ADAMTSL1: variants seen among roughly 807,000 people sequenced by gnomAD.
The protein encoded by ADAMTSL1 is ADAMTS-like protein 1.
ADAMTSL1 carries 126 observed loss-of-function variants against 201.8 expected under a neutral mutation model. The ratio of observed to expected loss-of-function variants is 0.62; its 90% CI spans 0.54 to 0.72. The LOEUF is 0.72. Among genes scored for constraint, ADAMTSL1 ranks in the 30% least tolerant of loss-of-function variants. The probability of loss-of-function intolerance (pLI) is 0.00; values close to 1 mark genes in which losing one functional copy is unlikely to be tolerated. For missense variants in ADAMTSL1, 2,679 were observed against 2,277.8 expected (o/e 1.18, Z -3.59); for synonymous variants, 1,121 against 903.4 (o/e 1.24, Z -4.32).
chr9:18,629,790 G>A (rs181512542), intron 5 of ADAMTSL1, among the ~76,000 whole-genome samples: 241 of 152,074 alleles, frequency 1.6e-3, no homozygotes, highest in African/African-American at 5.6e-3. Flanking sequence ...CTTTTTTTCT[G>A]GAAGAGATTG....
chr9:17,959,545 G>A (rs1489029389), intron 1 of ADAMTSL1, among the ~76,000 whole-genome samples: 1 of 151,964 alleles, frequency 6.6e-6, no homozygotes, highest in East Asian at 1.9e-4. Context: ...TGCAACCTCT[G>A]CCTCCCAGAT....
At chr9:18,824,690 C>T (rs1379411641) in intron 21 of ADAMTSL1, among the ~76,000 whole-genome samples, 4 of 75,708 alleles carry the variant, frequency 5.3e-5, no homozygotes, top group Non-Finnish European at 6.7e-5. Flanking sequence ...GGACTTGACC[C>T]TTTTTTTTTT....
At position 18,828,464 on chromosome 9, in the gene ADAMTSL1, C is replaced by A. The variant is rs921689208; in HGVS notation, c.4115-1379C>A. On this transcript the variant is annotated intron_variant, in intron 22 of 28. Transcript: ENST00000380548. ...TTTGAGTAAACTGCCACCATCAGTTCCTAAAATCATGGTATTCCAGAGTAG... is the reference window on the plus strand; with the variant it reads ...TTTGAGTAAACTGCCACCATCAGTTACTAAAATCATGGTATTCCAGAGTAG... 2.0e-5 allele frequency among the ~76,000 whole-genome samples: 3 copies of A among 151,126 alleles called. No homozygotes were observed. In the East Asian group the frequency reaches 5.9e-4, roughly 30 times the overall value.
chr9:18,086,576 A>G (rs761335069), intron 1 of ADAMTSL1, among the ~76,000 whole-genome samples: 3 of 152,200 alleles, frequency 2.0e-5, no homozygotes, highest in Non-Finnish European at 4.4e-5. Context: ...TAAAAATAAA[A>G]GAGATATTAT....
At chr9:18,536,553 G>T (rs1819788724) in intron 3 of ADAMTSL1, among the ~76,000 whole-genome samples, 2 of 151,152 alleles carry the variant, frequency 1.3e-5, no homozygotes, top group Admixed American at 1.3e-4. Flanking sequence ...CATAATGTTT[G>T]CATAGTTCTC....
At chr9:18,749,577 C>T (rs1040303682) in intron 15 of ADAMTSL1, among the ~76,000 whole-genome samples, 1 of 152,180 alleles carries the variant, frequency 6.6e-6, no homozygotes, top group Non-Finnish European at 1.5e-5. Flanking sequence ...CATAGCCAAC[C>T]TTGCCCCCAG....
intron 2 of ADAMTSL1, among the ~76,000 whole-genome samples, chr9:18,290,480 GC>G (rs1833207743): frequency 6.6e-6 from 1 of 152,014 alleles, no homozygotes; most frequent in South Asian, 2.1e-4. Flanking sequence ...TTCCTTCCTG[GC>G]CCCACAAAGC....
chr9:17,949,902 T>G (rs1827662313), intron 1 of ADAMTSL1, among the ~76,000 whole-genome samples: 1 of 152,126 alleles, frequency 6.6e-6, no homozygotes, highest in African/African-American at 2.4e-5. Context: ...CACCTCAAAT[T>G]TTGTTACATG....
At chr9:18,760,749 C>T (rs541589850) in intron 16 of ADAMTSL1, among the ~76,000 whole-genome samples, 13 of 152,314 alleles carry the variant, frequency 8.5e-5, no homozygotes, top group Non-Finnish European at 1.8e-4. Context: ...AATGGTGCAC[C>T]GTCTAAGGAC....
At chr9:18,796,195 G>T (rs968163934) in intron 20 of ADAMTSL1, among the ~76,000 whole-genome samples, 13 of 152,160 alleles carry the variant, frequency 8.5e-5, no homozygotes, top group African/African-American at 2.9e-4. Context: ...ACAAACCCAT[G>T]CCTTTGAAAC....
At chr9:18,239,527 C>T (rs1483541560) in intron 2 of ADAMTSL1, among the ~76,000 whole-genome samples, 1 of 151,928 alleles carries the variant, frequency 6.6e-6, no homozygotes, top group Non-Finnish European at 1.5e-5. Flanking sequence ...TCACTTGAGG[C>T]CAGGAGTTTG....
chr9:18,227,565 A>G (rs1353083396), intron 2 of ADAMTSL1, among the ~76,000 whole-genome samples: 4 of 152,106 alleles, frequency 2.6e-5, no homozygotes, highest in African/African-American at 9.7e-5. Flanking sequence ...TCTAGGCCCC[A>G]CTCTATGCAA....
intron 23 of ADAMTSL1, among the ~76,000 whole-genome samples, chr9:18,861,983 A>G (rs1827242009): frequency 6.6e-6 from 1 of 152,152 alleles, no homozygotes. Flanking sequence ...TAATGTGGGA[A>G]TAATAAATCC....
At chr9:18,067,721 GGA>G (rs1822771459) in intron 1 of ADAMTSL1, among the ~76,000 whole-genome samples, 1 of 152,168 alleles carries the variant, frequency 6.6e-6, no homozygotes. Context: ...CTAGGAACTT[GGA>G]GAGTCTTGTC....
chr9:18,121,731 G>A (rs1825504702), intron 1 of ADAMTSL1, among the ~76,000 whole-genome samples: 1 of 152,120 alleles, frequency 6.6e-6, no homozygotes, highest in African/African-American at 2.4e-5. Flanking sequence ...CTCCTCCTAT[G>A]AGGAAAGAGA....
chr9:18,365,781 G>A (rs1020746983), intron 2 of ADAMTSL1, among the ~76,000 whole-genome samples: 1 of 152,158 alleles, frequency 6.6e-6, no homozygotes, highest in South Asian at 2.1e-4. Context: ...GTTAGGAACT[G>A]GGCCACAAAA....
chr9:18,236,456 A>C (rs1830854647), intron 2 of ADAMTSL1, among the ~76,000 whole-genome samples: 1 of 152,206 alleles, frequency 6.6e-6, no homozygotes, highest in Non-Finnish European at 1.5e-5. Flanking sequence ...GACCCAGTTG[A>C]GTATGTCTGA....
Position 18,892,514 on chromosome 9 carries a change from C to G in ADAMTSL1, c.4769C>G (p.Thr1590Ser). The change falls in exon 26 of 29, where the codon ACC (threonine) becomes AGC (serine). Residue 1590 changes from threonine (T) to serine (S), a missense_variant. Physicochemically the swap from Thr to Ser is moderately conservative, Grantham distance 58. Transcript: ENST00000380548. ...ACCCCTGTGTCCAATGACATGTGCA[C>G]CCAGGTCGCCAAGCGGCCTGTGGAC... ...ISTPVSNDMC[T>S]QVAKRPVDTQ... The G allele has an allele frequency of 1.2e-6, 2 of 1,601,204 alleles. No homozygotes were observed. The highest frequency in any genetic ancestry group is 1.7e-6 in the Non-Finnish European group (2 of 1,173,942).
chr9:18,254,516 C>T (rs1309431392), intron 2 of ADAMTSL1, among the ~76,000 whole-genome samples: 1 of 151,662 alleles, frequency 6.6e-6, no homozygotes, highest in Non-Finnish European at 1.5e-5. Flanking sequence ...GCTCCCGCCA[C>T]CACGCCCGGC....
Sources: gnomAD v4.1 joint callset for allele counts (sites outside exome capture counted in the v4.1 genomes callset) on GRCh38, gnomAD v4.1.1 for gene constraint, MANE v1.5 for transcripts, NCBI Gene and HGNC (gene_info 2026-07-23, HGNC 2026-07-21) for gene names.